The following TUBB4A variants were observed in gnomAD, a reference collection of about 807,000 sequenced individuals.
TUBB4A encodes tubulin beta-4A chain.
TUBB4A carries 13 observed loss-of-function variants against 35.1 expected under a neutral mutation model. The ratio of observed to expected loss-of-function variants is 0.37; its 90% CI spans 0.24 to 0.59. The LOEUF is 0.59. Among genes scored for constraint, TUBB4A ranks in the 20% least tolerant of loss-of-function variants. The pLI is 0.71. For missense variants in TUBB4A, 299 were observed against 647.2 expected (o/e 0.46, Z 5.84); for synonymous variants, 279 against 272.4 (o/e 1.02, Z -0.24).
At position 6,501,369 on chromosome 19, in the gene TUBB4A, C is replaced by T. The variant is rs1914526007; in HGVS notation, c.195G>A (p.Leu65=). The change falls in exon 3 of 4, where the codon CTG becomes CTA. Residue 65 remains leucine, a synonymous_variant. Coordinates refer to ENST00000264071, the MANE Select transcript of TUBB4A (RefSeq NM_006087.4). The surrounding 1 kb of genome is among the most constrained non-coding windows in gnomAD (Gnocchi z 4.2). ...TGGNYVPRAV[L]VDLEPGTMDS... ...CCATGGTGCCGGGTTCCAGGTCCAC[C>T]AGCACCGCTCTGGGGACATAATTTC... 1.2e-6 allele frequency: 2 copies of T among 1,614,124 alleles called. No homozygotes were observed. The highest frequency in any genetic ancestry group is 1.7e-6 in the Non-Finnish European group (2 of 1,179,978).
At chr19:6,499,336 C>T (rs970065695) in intron 3 of TUBB4A, among the ~76,000 whole-genome samples, 2 of 151,568 alleles carry the variant, frequency 1.3e-5, no homozygotes, top group Non-Finnish European at 2.9e-5. Flanking sequence ...AGTAGTCAGA[C>T]CCTCTCCTCT....
At chr19:6,499,622 T>C (rs1166049182) in intron 3 of TUBB4A, among the ~76,000 whole-genome samples, 2 of 152,208 alleles carry the variant, frequency 1.3e-5, no homozygotes, top group African/African-American at 4.8e-5. Flanking sequence ...TCACATATGC[T>C]GTTGCCTCCG....
rs768924966 is a variant in TUBB4A, at chr19:6,496,226, AGAGGGAAGGG to A, written c.278-15_278-6del. 6.9e-6 allele frequency: 11 copies of A among 1,603,374 alleles called. No individual in the cohort carries two copies. In the Admixed American group the frequency reaches 1.8e-4, roughly 27 times the overall value. On this transcript the variant is annotated splice_polypyrimidine_tract_variant and splice_region_variant and intron_variant, in intron 3 of 3. Coordinates refer to ENST00000264071, the MANE Select transcript of TUBB4A (RefSeq NM_006087.4). ...TGTTGCCGGCTCCGGATTGGCCTAG[AGAGGGAAGGG>A]GAGGGGACACACATGCAGTTATGGG...
intron 3 of TUBB4A, among the ~76,000 whole-genome samples, chr19:6,498,653 T>C (rs985569007): frequency 6.6e-6 from 1 of 152,116 alleles, no homozygotes; most frequent in Non-Finnish European, 1.5e-5. Flanking sequence ...TCCCCCCAGG[T>C]ATTCACCTGA....
At position 6,495,200 on chromosome 19, in the gene TUBB4A, GC is replaced by G; in HGVS notation, c.1298del (p.Gly433AlafsTer29). On this transcript the variant is annotated frameshift_variant, in exon 4 of 4. Coordinates refer to ENST00000264071, the MANE Select transcript of TUBB4A (RefSeq NM_006087.4). LOFTEE classifies it high-confidence loss of function. This position sits in a 1 kb window ranked among gnomAD's most constrained non-coding sequence, Gnocchi z 8.7. ...QQYQDATAEEGEFEEEAEEEV... is the reference protein window; with the variant it reads ...QQYQDATAEEXEFEEEAEEEV... ...CCTCCTCCGCCTCCTCCTCGAACTC[GC>G]CCTCCTCGGCCGTGGCGTCCTGGTA... 6.2e-7 allele frequency: 1 copy of G among 1,613,912 alleles called. No homozygotes were observed. The highest frequency in any genetic ancestry group is 8.5e-7 in the Non-Finnish European group (1 of 1,179,872).
chr19:6,494,346 G>A lies in TUBB4A; in HGVS notation c.*818C>T, dbSNP rs969355250. 1.3e-5 allele frequency: 2 copies of A among 152,218 alleles called. No individual in the cohort carries two copies. Among genetic ancestry groups the A allele is most frequent in the Non-Finnish European group, 2.9e-5 (2 of 68,092 alleles). 9.4% of individuals were successfully genotyped at this position (152,218 alleles called of 1,614,324 possible). A position where few individuals can be genotyped will look rare whatever the true frequency, so the allele number is the denominator to read the frequency against. ...CATGACAACAATTAATTTATTTATTGAGGGTGAGGCAGGGAAGCGGGGAGG... is the reference window on the plus strand; with the variant it reads ...CATGACAACAATTAATTTATTTATTAAGGGTGAGGCAGGGAAGCGGGGAGG... On this transcript the variant is annotated 3_prime_UTR_variant, in exon 4 of 4. Coordinates refer to ENST00000264071, the MANE Select transcript of TUBB4A (RefSeq NM_006087.4).
rs141038244 is a variant in TUBB4A, at chr19:6,498,625, T to C, written c.278-2404A>G. Among the ~76,000 whole-genome samples the C allele has an allele frequency of 1.4e-3, 209 of 152,344 alleles. 1 individual carries two copies. The highest frequency in any genetic ancestry group is 4.6e-3 in the African/African-American group (193 of 41,578). ...CCCTGGGGCCTTTGCACTAGTGGCT[T>C]GGCTGCTTAGAATGCTTTCCCCCCA... On this transcript the variant is annotated intron_variant, in intron 3 of 3. Transcript: ENST00000264071.
intron 3 of TUBB4A, among the ~76,000 whole-genome samples, chr19:6,496,857 CT>C (rs1914225547): frequency 6.8e-6 from 1 of 146,174 alleles, no homozygotes; most frequent in Non-Finnish European, 1.5e-5. Flanking sequence ...CCCCCGCCCC[CT>C]GCCTAAAAAA....
At position 6,494,635 on chromosome 19, in the gene TUBB4A, C is replaced by CGCCGTA; in HGVS notation, c.*528_*529insTACGGC. 2 of 165,444 alleles carry CGCCGTA rather than the reference C, an allele frequency of 1.2e-5. No homozygotes were observed. Among genetic ancestry groups the CGCCGTA allele is most frequent in the South Asian group, 1.4e-4 (1 of 7,004 alleles). 10.2% of individuals were successfully genotyped at this position (165,444 alleles called of 1,614,324 possible). A position where few individuals can be genotyped will look rare whatever the true frequency, so the allele number is the denominator to read the frequency against. ...TTGCAGGTGTAGAAGTAAAATGGGACTCATAGAGGGTGAAAGAGAAGTTGG... is the reference window on the plus strand; with the variant it reads ...TTGCAGGTGTAGAAGTAAAATGGGACGCCGTATCATAGAGGGTGAAAGAGAAGTTGG... On this transcript the variant is annotated 3_prime_UTR_variant, in exon 4 of 4. Transcript: ENST00000264071.
Position 6,502,186 on chromosome 19 carries a change from G to A in TUBB4A, c.27C>T (p.Ala9=). The A allele has an allele frequency of 6.3e-7, 1 of 1,574,810 alleles. No individual in the cohort carries two copies. Among genetic ancestry groups the A allele is most frequent in the Non-Finnish European group, 8.6e-7 (1 of 1,168,540 alleles). The change falls in exon 1 of 4, where the codon GCC becomes GCT. Residue 9 remains alanine, a synonymous_variant. Coordinates refer to ENST00000264071, the MANE Select transcript of TUBB4A (RefSeq NM_006087.4). ...CCCCGATCTGGTTGCCGCACTGGCC[G>A]GCCTGCAGGTGCACGATCTCCCGCA... MREIVHLQ[A]GQCGNQIGAK...
rs1331816281 is a variant in TUBB4A, at chr19:6,495,014, C to T, written c.*150G>A. The T allele has an allele frequency of 8.6e-6, 8 of 932,342 alleles. No individual in the cohort carries two copies. In the South Asian group the frequency reaches 1.4e-4, roughly 16 times the overall value. 57.8% of individuals were successfully genotyped at this position (932,342 alleles called of 1,614,324 possible). A position where few individuals can be genotyped will look rare whatever the true frequency, so the allele number is the denominator to read the frequency against. ...GAGCCAGGGTCGGAGATGAAGTAGC[C>T]AGAGGTAAAGCGAGCTCCAAAGGTA... On this transcript the variant is annotated 3_prime_UTR_variant, in exon 4 of 4. Coordinates refer to ENST00000264071, the MANE Select transcript of TUBB4A (RefSeq NM_006087.4). The surrounding 1 kb of genome is among the most constrained non-coding windows in gnomAD (Gnocchi z 8.7).
chr19:6,499,361 C>T (rs755559214), intron 3 of TUBB4A, among the ~76,000 whole-genome samples: 1 of 151,986 alleles, frequency 6.6e-6, no homozygotes, highest in South Asian at 2.1e-4. Context: ...CCTGACAGCC[C>T]CAGTGGCTTG....
rs1458792117 is a variant in TUBB4A at position 6,502,280 on chromosome 19, G to A, written c.-68C>T. 4.1e-6 allele frequency: 6 copies of A among 1,453,352 alleles called. No individual in the cohort carries two copies. The African/African-American group carries it at 4.5e-5, about 11-fold the overall frequency. The allele number at this position is 1,453,352 out of a possible 1,614,324, so 90.0% of individuals were successfully genotyped here. On this transcript the variant is annotated 5_prime_UTR_variant, in exon 1 of 4. Transcript: ENST00000264071. ...GCGGGGAGCTGCGGCGGCGGCGAGGGTGGAAGATGCGGCGGAGACGGCGGA... is the reference window on the plus strand; with the variant it reads ...GCGGGGAGCTGCGGCGGCGGCGAGGATGGAAGATGCGGCGGAGACGGCGGA...
chr19:6,502,534 T>A, upstream of TUBB4A: 1 of 329,778 alleles, frequency 3.0e-6, no homozygotes, highest in Non-Finnish European at 5.5e-6. Flanking sequence ...GAGCCACCAG[T>A]GCAGTCTCCC....
chr19:6,498,074 G>A (rs1257355110), intron 3 of TUBB4A, among the ~76,000 whole-genome samples: 1 of 151,340 alleles, frequency 6.6e-6, no homozygotes, highest in Non-Finnish European at 1.5e-5. Context: ...AGCTGGATGT[G>A]GTGGTGGGTG....
rs1431563366 is a variant in TUBB4A, at chr19:6,501,047, T to G, written c.277+240A>C. The G allele has an allele frequency of 2.0e-6, 1 of 506,908 alleles. No individual in the cohort carries two copies. The highest frequency in any genetic ancestry group is 3.0e-5 in the South Asian group (1 of 33,354). 31.4% of individuals were successfully genotyped at this position (506,908 alleles called of 1,614,324 possible). ...GCAGTCTGGTTCCGGTTCAGACCGT[T>G]GAATTAAAATGCCACCTCCTCCAGG... On this transcript the variant is annotated intron_variant, in intron 3 of 3. Coordinates refer to ENST00000264071, the MANE Select transcript of TUBB4A (RefSeq NM_006087.4). This position sits in a 1 kb window ranked among gnomAD's most constrained non-coding sequence, Gnocchi z 4.2.
intron 3 of TUBB4A, among the ~76,000 whole-genome samples, chr19:6,498,862 GT>G (rs1299203829): frequency 7.2e-5 from 11 of 152,236 alleles, no homozygotes; most frequent in Non-Finnish European, 1.2e-4. Context: ...TAATGATGCA[GT>G]TTTGTGGCCG....
chr19:6,501,667 G>T lies in TUBB4A; in HGVS notation c.58-44C>A. On this transcript the variant is annotated intron_variant, in intron 1 of 3. Transcript: ENST00000264071. The surrounding 1 kb of genome is among the most constrained non-coding windows in gnomAD (Gnocchi z 4.2). ...GGAAGAGTTGAGAGAGGGGAAGCCGGTGGCCAAGCCGAGGACTGCCCCCAG... is the reference window on the plus strand; with the variant it reads ...GGAAGAGTTGAGAGAGGGGAAGCCGTTGGCCAAGCCGAGGACTGCCCCCAG... The T allele has an allele frequency of 6.4e-7, 1 of 1,565,756 alleles. No homozygotes were observed. Among genetic ancestry groups the T allele is most frequent in the Non-Finnish European group, 8.7e-7 (1 of 1,143,636 alleles).
chr19:6,502,014 C>T (rs1914556955), intron 1 of TUBB4A, 142 bp downstream of exon 1: 1 of 908,538 alleles, frequency 1.1e-6, no homozygotes, highest in Non-Finnish European at 1.6e-6. Flanking sequence ...GCGACCCTTC[C>T]CCCAAGGCCC....
Sources: gnomAD v4.1 joint callset for allele counts (sites outside exome capture counted in the v4.1 genomes callset) on GRCh38, gnomAD v4.1.1 for gene constraint, Gnocchi (gnomAD v3.1) non-coding constraint, MANE v1.5 for transcripts, NCBI Gene and HGNC (gene_info 2026-07-23, HGNC 2026-07-21) for gene names.